The following METAP1 variants were observed in gnomAD, a reference collection of about 807,000 sequenced individuals.
METAP1 encodes methionyl aminopeptidase 1.
METAP1 carries 28 observed loss-of-function variants against 53.8 expected under a neutral mutation model. The observed-to-expected ratio is 0.52, with a 90% CI of 0.39 to 0.71. The LOEUF is 0.71. Ranked by LOEUF, METAP1 falls within the 30% of genes least tolerant of loss-of-function variation. The pLI, the probability that METAP1 is intolerant of heterozygous loss-of-function variation, is 0.00. For synonymous variants in METAP1, 181 were observed against 165.7 expected, an observed-to-expected ratio of 1.09 and a Z score of -0.71; for missense variants, 389 against 479.8, an observed-to-expected ratio of 0.81 and a Z score of 1.77.
At chr4:99,013,518 G>A (rs1053569501) in intron 1 of METAP1, among the ~76,000 whole-genome samples, 4 of 152,152 alleles carry the variant, frequency 2.6e-5, no homozygotes, top group African/African-American at 4.8e-5. Context: ...CCAAAAGGGT[G>A]CACTCACCAG....
intron 1 of METAP1, among the ~76,000 whole-genome samples, chr4:99,004,460 CA>C (rs1723074755): frequency 3.7e-5 from 1 of 26,850 alleles, no homozygotes; most frequent in Non-Finnish European, 8.9e-5. Flanking sequence ...CACACACACA[CA>C]CACACACACA....
chr4:99,036,112 T>G (rs1353972371), intron 4 of METAP1: 1 of 154,286 alleles, frequency 6.5e-6, no homozygotes, highest in Non-Finnish European at 1.5e-5. Context: ...ATCTCTGACC[T>G]TAAGGCCTGT....
chr4:99,025,580 C>T lies in METAP1; in HGVS notation c.115-3287C>T, dbSNP rs893552992. ...AATGAGGAGCCAGAGCTGAGAACCA[C>T]ACTATCCCATTTTAGCTTGTAAACC... is the stretch of plus-strand genomic sequence containing the variant. On this transcript the variant is annotated intron_variant, in intron 1 of 10. Transcript: ENST00000296411. The T allele has an allele frequency of 1.5e-5, 10 of 686,844 alleles. No individual in the cohort carries two copies. In the Admixed American group the frequency reaches 3.2e-4, roughly 22 times the overall value. 42.5% of individuals were successfully genotyped at this position (686,844 alleles called of 1,614,324 possible).
intron 4 of METAP1, among the ~76,000 whole-genome samples, chr4:99,038,651 A>C (rs975542035): frequency 5.9e-5 from 9 of 152,096 alleles, no homozygotes; most frequent in Non-Finnish European, 1.3e-4. Context: ...GTTAATTGCT[A>C]TCCTGGCTTT....
intron 1 of METAP1, among the ~76,000 whole-genome samples, chr4:99,004,198 C>G (rs578118871): frequency 6.6e-6 from 1 of 152,184 alleles, no homozygotes; most frequent in Non-Finnish European, 1.5e-5. Context: ...CTCTCTGAAC[C>G]CAATCCTCTT....
intron 6 of METAP1, 69 bp from the exon 7 acceptor site, chr4:99,043,180 T>G: frequency 8.0e-7 from 1 of 1,256,612 alleles, no homozygotes; most frequent in East Asian, 2.6e-5. Flanking sequence ...ATTTTTCAAA[T>G]TTTAAAATCT....
At chr4:99,034,675 CCATATAGTT>C (rs1311877370) in intron 3 of METAP1, among the ~76,000 whole-genome samples, 1 of 152,160 alleles carries the variant, frequency 6.6e-6, no homozygotes, top group African/African-American at 2.4e-5. Context: ...TCCTCACTCC[CCATATAGTT>C]ACGAAAATCC....
chr4:99,028,109 G>A (rs1165649643), intron 1 of METAP1, among the ~76,000 whole-genome samples: 1 of 152,100 alleles, frequency 6.6e-6, no homozygotes, highest in Admixed American at 6.5e-5. Flanking sequence ...CTCTTTGAAG[G>A]AGAGGCCATC....
intron 1 of METAP1, among the ~76,000 whole-genome samples, chr4:98,999,683 T>C (rs1237381604): frequency 2.0e-5 from 3 of 151,092 alleles, no homozygotes; most frequent in Admixed American, 6.6e-5. Context: ...GCTAATTTTT[T>C]TGTATTTTTA....
intron 1 of METAP1, among the ~76,000 whole-genome samples, chr4:99,017,657 A>G (rs1274147142): frequency 2.0e-5 from 3 of 152,256 alleles, no homozygotes; most frequent in Non-Finnish European, 4.4e-5. Context: ...TTCTAATAGG[A>G]TAGCCTCATA....
chr4:99,002,812 T>C (rs567390462), intron 1 of METAP1, among the ~76,000 whole-genome samples: 2 of 152,296 alleles, frequency 1.3e-5, no homozygotes, highest in South Asian at 4.1e-4. Context: ...CCGTGGCTTA[T>C]GCCTGTAATC....
intron 8 of METAP1, 60 bp downstream of exon 8, chr4:99,045,370 T>C: frequency 6.3e-7 from 1 of 1,591,016 alleles, no homozygotes. Flanking sequence ...CAAGAATGAC[T>C]GGGCGCTGCA....
intron 2 of METAP1, 134 bp downstream of exon 2, chr4:99,029,052 C>A: frequency 1.8e-6 from 1 of 564,652 alleles, no homozygotes; most frequent in Non-Finnish European, 3.0e-6. Flanking sequence ...AGAATTATGA[C>A]ATATTTTAAA....
intron 1 of METAP1, among the ~76,000 whole-genome samples, chr4:99,007,474 A>G (rs1211800003): frequency 1.3e-5 from 2 of 152,094 alleles, no homozygotes; most frequent in African/African-American, 2.4e-5. Flanking sequence ...GAGTGGTTTT[A>G]GCATTGCGAT....
intron 1 of METAP1, chr4:99,026,669 T>A (rs1259578864): frequency 2.0e-6 from 2 of 985,272 alleles, no homozygotes; most frequent in African/African-American, 3.5e-5. Context: ...TCTTTCAGGA[T>A]TTTGAGTATT....
At position 99,051,193 on chromosome 4, in the gene METAP1, G is replaced by A. The variant is rs187957874; in HGVS notation, c.931+2317G>A. On this transcript the variant is annotated intron_variant, in intron 9 of 10. Coordinates refer to ENST00000296411, the MANE Select transcript of METAP1 (RefSeq NM_015143.3). ...AGCAATAAAATTTGAGTTTAGATATGGATTTGAGTGTGAGGGAAAGAGAGA... is the reference window on the plus strand; with the variant it reads ...AGCAATAAAATTTGAGTTTAGATATAGATTTGAGTGTGAGGGAAAGAGAGA... 2.9e-3 allele frequency among the ~76,000 whole-genome samples: 445 copies of A among 152,198 alleles called. 4 individuals carry two copies. Among genetic ancestry groups the A allele is most frequent in the Non-Finnish European group, 3.1e-3 (213 of 67,998 alleles).
At position 99,028,928 on chromosome 4, in the gene METAP1, A is replaced by T; in HGVS notation, c.166+10A>T. On this transcript the variant is annotated intron_variant, in intron 2 of 10. Transcript: ENST00000296411. ...CTACATAAGAAAGCAAGTAAGTACA[A>T]TCACAAATTTTTACACCATTTGTCT... 6.5e-7 allele frequency: 1 copy of T among 1,528,696 alleles called. No homozygotes were observed. The highest frequency in any genetic ancestry group is 8.8e-7 in the Non-Finnish European group (1 of 1,130,242). 94.7% of individuals were successfully genotyped at this position (1,528,696 alleles called of 1,614,324 possible).
intron 1 of METAP1, among the ~76,000 whole-genome samples, chr4:99,018,492 G>A (rs541337201): frequency 2.0e-5 from 3 of 152,118 alleles, no homozygotes; most frequent in East Asian, 1.9e-4. Flanking sequence ...ACTATCCACC[G>A]GTACTGCTGC....
intron 1 of METAP1, chr4:99,025,544 C>A: frequency 1.1e-6 from 1 of 881,778 alleles, no homozygotes; most frequent in Non-Finnish European, 1.4e-6. Flanking sequence ...AAAAGCATTT[C>A]ACAGGATTTT....
Sources: allele counts gnomAD v4.1 joint callset (sites outside exome capture counted in the v4.1 genomes callset), GRCh38; gene constraint gnomAD v4.1.1; transcripts MANE v1.5; gene names NCBI Gene and HGNC (gene_info 2026-07-23, HGNC 2026-07-21).